The following MED22 variants were observed in gnomAD, a reference collection of about 807,000 sequenced individuals.
The protein encoded by MED22 is mediator of RNA polymerase II transcription subunit 22.
MED22 carries 22 observed loss-of-function variants against 22.7 expected under a neutral mutation model. The ratio of observed to expected loss-of-function variants is 0.97; its 90% CI spans 0.69 to 1.38. The LOEUF is 1.38. MED22 is among the 40% of genes most tolerant of loss of function. The pLI, the probability that MED22 is intolerant of heterozygous loss-of-function variation, is 0.00. For missense variants in MED22, 247 were observed against 263.0 expected (o/e 0.94, Z 0.42); for synonymous variants, 134 against 119.4 (o/e 1.12, Z -0.80).
intron 4 of MED22, chr9:133,343,077 G>A (rs1359203979): frequency 3.0e-6 from 3 of 996,256 alleles, no homozygotes; most frequent in Non-Finnish European, 2.4e-6. Flanking sequence ...ATGAGTACTG[G>A]GGACCAAAGA....
intron 4 of MED22, 109 bp from the exon 5 acceptor site, chr9:133,341,803 A>G: frequency 6.7e-7 from 1 of 1,484,432 alleles, no homozygotes; most frequent in Non-Finnish European, 8.9e-7. Flanking sequence ...ACCACACCCC[A>G]GACCTGCCTT....
chr9:133,345,973 G>A (rs2129966677), intron 2 of MED22, among the ~76,000 whole-genome samples: 1 of 152,370 alleles, frequency 6.6e-6, no homozygotes, highest in East Asian at 1.9e-4. Flanking sequence ...CCACCTCACA[G>A]AGTCCTCATG....
intron 4 of MED22, 81 bp from the exon 5 acceptor site, chr9:133,341,775 C>A: frequency 6.5e-7 from 1 of 1,549,410 alleles, no homozygotes; most frequent in Non-Finnish European, 8.6e-7. Flanking sequence ...AAGACAGAAG[C>A]AGAGTTAAGA....
chr9:133,341,772 A>G lies in MED22; in HGVS notation c.414-78T>C, dbSNP rs2129950876. Reference sequence around the variant, plus strand: ...GCCAGGGGAGGGGAGAGCAAGACAGAAGCAGAGTTAAGAAAACACGACCAC... The same window carrying G: ...GCCAGGGGAGGGGAGAGCAAGACAGGAGCAGAGTTAAGAAAACACGACCAC... On this transcript the variant is annotated intron_variant, in intron 4 of 4. Coordinates refer to ENST00000343730, the MANE Select transcript of MED22 (RefSeq NM_133640.5). The G allele has an allele frequency of 1.2e-5, 18 of 1,550,776 alleles. No individual in the cohort carries two copies. The African/African-American group carries it at 2.1e-4, about 18-fold the overall frequency.
intron 4 of MED22, chr9:133,343,313 C>CTTGATT: frequency 8.1e-7 from 1 of 1,229,284 alleles, no homozygotes; most frequent in Middle Eastern, 3.1e-4. Flanking sequence ...TGGACTGAAT[C>CTTGATT]TTGATTTTCT....
rs1410557187 is a variant in MED22, at chr9:133,341,662, A to G, written c.446T>C (p.Leu149Pro). The change falls in exon 5 of 5, where the codon CTG becomes CCG. Residue 149 changes from leucine (L) to proline (P), a missense_variant. Leu to Pro is a moderately conservative substitution (Grantham distance 98). Coordinates refer to ENST00000343730, the MANE Select transcript of MED22 (RefSeq NM_133640.5). ...GTCCAGCCTCCCGTAAGCTTCGCAC[A>G]GAGGCAGGTCATTAGCTTCGCAAAG... ...SSLCEANDLP[L>P]CEAYGRLDLD... The G allele has an allele frequency of 6.2e-7, 1 of 1,608,570 alleles. No homozygotes were observed. Among genetic ancestry groups the G allele is most frequent in the Non-Finnish European group, 8.5e-7 (1 of 1,177,534 alleles).
chr9:133,347,989 C>A lies in MED22; in HGVS notation c.-106G>T, dbSNP rs1477706393. 5.4e-6 allele frequency: 3 copies of A among 558,128 alleles called. No individual in the cohort carries two copies. The highest frequency in any genetic ancestry group is 1.9e-5 in the South Asian group (1 of 51,514). The allele number at this position is 558,128 out of a possible 1,614,324, so 34.6% of individuals were successfully genotyped here. A position where few individuals can be genotyped will look rare whatever the true frequency, so the allele number is the denominator to read the frequency against. On this transcript the variant is annotated 5_prime_UTR_variant, in exon 1 of 5. In the 5' UTR this introduces an upstream ATG that the reference lacks. Transcript: ENST00000343730. Reference sequence around the variant, plus strand: ...GGCCTAGGGCGGGGTGGTCAAGTGCCTCTGCGACCCGCACTTTCCCGCGTC... The same window carrying A: ...GGCCTAGGGCGGGGTGGTCAAGTGCATCTGCGACCCGCACTTTCCCGCGTC...
rs2129943325 is a variant in MED22 at position 133,339,642 on chromosome 9, T to G, written c.*1863A>C. On this transcript the variant is annotated 3_prime_UTR_variant, in exon 5 of 5. Transcript: ENST00000343730. The stretch of plus-strand genomic sequence containing the variant: ...GGAGAATGTGCTCAGAGAGGCAAAC[T>G]GACAAGTACTTCCATGAGTTCCACT... 2.6e-6 allele frequency: 1 copy of G among 379,398 alleles called. No homozygotes were observed. Among genetic ancestry groups the G allele is most frequent in the East Asian group, 5.9e-5 (1 of 16,942 alleles). The allele number at this position is 379,398 out of a possible 1,614,324, so 23.5% of individuals were successfully genotyped here. A position where few individuals can be genotyped will look rare whatever the true frequency, so the allele number is the denominator to read the frequency against.
intron 4 of MED22, chr9:133,342,334 GCTCGC>G: frequency 1.0e-6 from 1 of 986,018 alleles, no homozygotes; most frequent in Non-Finnish European, 1.2e-6. Context: ...GACAATCCAC[GCTCGC>G]CTCTTTCTAA....
intron 4 of MED22, chr9:133,342,300 A>G: frequency 1.2e-5 from 12 of 986,164 alleles, no homozygotes; most frequent in Non-Finnish European, 1.3e-5. Flanking sequence ...GAGCTCAGCT[A>G]GCCCTTCCCA....
In MED22 at chr9:133,339,992, G is replaced by C. The variant is rs947029785; in HGVS notation, c.*1513C>G. ...AATGAAGCTGATGGCAGGTCTTATCGCTCAGGATTTTAGGAACAGGGTAAG... is the reference window on the plus strand; with the variant it reads ...AATGAAGCTGATGGCAGGTCTTATCCCTCAGGATTTTAGGAACAGGGTAAG... On this transcript the variant is annotated 3_prime_UTR_variant, in exon 5 of 5. Coordinates refer to ENST00000343730, the MANE Select transcript of MED22 (RefSeq NM_133640.5). 2.6e-5 allele frequency: 4 copies of C among 152,562 alleles called. No homozygotes were observed. The highest frequency in any genetic ancestry group is 9.7e-5 in the African/African-American group (4 of 41,418). 9.5% of individuals were successfully genotyped at this position (152,562 alleles called of 1,614,324 possible).
At position 133,338,726 on chromosome 9, in the gene MED22, G is replaced by A. The variant is rs2129941411; in HGVS notation, c.*2779C>T. On this transcript the variant is annotated 3_prime_UTR_variant, in exon 5 of 5. Transcript: ENST00000343730. ...CAAAGTGCTGGGGTTGCAGGCGTAA[G>A]CCACCGCGCCCGGCCGATTTCTATA... 9.3e-4 allele frequency: 288 copies of A among 308,576 alleles called. No individual in the cohort carries two copies. Among genetic ancestry groups the A allele is most frequent in the Non-Finnish European group, 1.6e-3 (254 of 156,836 alleles). The allele number at this position is 308,576 out of a possible 1,614,324, so 19.1% of individuals were successfully genotyped here.
At chr9:133,344,478 AG>A in intron 3 of MED22, 145 bp from the exon 4 acceptor site, 1 of 752,636 alleles carries the variant, frequency 1.3e-6, no homozygotes, top group South Asian at 1.7e-5. Context: ...TGACCTCCAC[AG>A]GTTCATGTGT....
intron 4 of MED22, chr9:133,342,224 C>T (rs2129952461): frequency 9.1e-6 from 9 of 986,508 alleles, no homozygotes; most frequent in South Asian, 4.6e-5. Flanking sequence ...ATCAGCCAGG[C>T]GGCCTCCAGC....
intron 4 of MED22, chr9:133,343,863 C>T: frequency 2.1e-6 from 3 of 1,416,144 alleles, no homozygotes; most frequent in Non-Finnish European, 2.8e-6. Context: ...CGCCTCCCTT[C>T]TCCAGACTCG....
intron 4 of MED22, chr9:133,342,034 A>G (rs1836020491): frequency 1.8e-6 from 2 of 1,114,146 alleles, no homozygotes; most frequent in East Asian, 8.6e-5. Context: ...TCCTCTTGCA[A>G]AAAGCTGTCA....
intron 4 of MED22, chr9:133,342,482 C>T (rs1418718430): frequency 4.1e-6 from 4 of 986,648 alleles, no homozygotes; most frequent in Non-Finnish European, 3.6e-6. Context: ...AAAGGAGAGG[C>T]AGAGCCAGAA....
intron 2 of MED22, 58 bp from the exon 3 acceptor site, chr9:133,345,310 C>G: frequency 3.3e-6 from 5 of 1,529,784 alleles, no homozygotes; most frequent in Non-Finnish European, 4.5e-6. Flanking sequence ...CCACCCCTGG[C>G]CCGGCCCAGC....
Position 133,342,919 on chromosome 9 carries a change from C to T in MED22, c.413+1206G>A. The T allele has an allele frequency of 3.0e-6, 3 of 985,706 alleles. 1 individual carries two copies. The Admixed American group carries it at 1.8e-4, about 60-fold the overall frequency. The allele number at this position is 985,706 out of a possible 1,614,324, so 61.1% of individuals were successfully genotyped here. Reference sequence around the variant, plus strand: ...ATTACAGGCCCACAGCTGCTCTGTGCAGGGGCCCTCAGGGACGGTGGCTGC... The same window carrying T: ...ATTACAGGCCCACAGCTGCTCTGTGTAGGGGCCCTCAGGGACGGTGGCTGC... On this transcript the variant is annotated intron_variant, in intron 4 of 4. Transcript: ENST00000343730.
Sources: gnomAD v4.1 joint callset for allele counts (sites outside exome capture counted in the v4.1 genomes callset) on GRCh38, gnomAD v4.1.1 for gene constraint, MANE v1.5 for transcripts, NCBI Gene and HGNC (gene_info 2026-07-23, HGNC 2026-07-21) for gene names.